AGPAT3: variants seen among roughly 807,000 people sequenced by gnomAD.
AGPAT3 encodes 1-acyl-sn-glycerol-3-phosphate acyltransferase gamma.
In AGPAT3, 5 loss-of-function variants were observed where a neutral mutation model predicts 47.3. The ratio of observed to expected loss-of-function variants is 0.11; its 90% CI spans 0.06 to 0.22. AGPAT3 has a LOEUF of 0.22. AGPAT3 is among the 10% of genes least tolerant of loss of function. AGPAT3 has a pLI of 1.00. For synonymous variants in AGPAT3, 212 were observed against 208.3 expected (o/e 1.02, Z -0.15); for missense variants, 315 against 493.0 (o/e 0.64, Z 3.42).
intron 1 of AGPAT3, among the ~76,000 whole-genome samples, chr21:43,865,646 G>T (rs1050088873): frequency 6.4e-4 from 96 of 151,070 alleles, no homozygotes; most frequent in African/African-American, 2.2e-3. Flanking sequence ...CCTCGGTGGC[G>T]CTGGGCCCAG....
chr21:43,945,592 G>A (rs1456700805), intron 2 of AGPAT3, among the ~76,000 whole-genome samples: 1 of 151,914 alleles, frequency 6.6e-6, no homozygotes, highest in Admixed American at 6.6e-5. Context: ...TCCCCGCAGA[G>A]AGCCCCCTTT....
chr21:43,901,797 T>C (rs908144393), intron 1 of AGPAT3, among the ~76,000 whole-genome samples: 1 of 151,902 alleles, frequency 6.6e-6, no homozygotes, highest in Admixed American at 6.6e-5. Flanking sequence ...CCCAAATAAA[T>C]CTTCTAGAAA....
At chr21:43,867,849 A>G (rs1429477670) in intron 1 of AGPAT3, 2 of 152,192 alleles carry the variant, frequency 1.3e-5, no homozygotes, top group African/African-American at 4.8e-5. Flanking sequence ...GTTGCTCAGA[A>G]ATTTCATGGG....
At chr21:43,959,491 G>C (rs1440445229) in intron 2 of AGPAT3, 143 bp from the exon 3 acceptor site, 1 of 690,124 alleles carries the variant, frequency 1.4e-6, no homozygotes. Context: ...TGTGTGGCAC[G>C]TGTGTGGGGT....
At chr21:43,927,404 C>G (rs953405171) in intron 2 of AGPAT3, among the ~76,000 whole-genome samples, 2 of 152,156 alleles carry the variant, frequency 1.3e-5, no homozygotes, top group African/African-American at 2.4e-5. Flanking sequence ...CTGTCTCCCC[C>G]AGGCTGTGAG....
chr21:43,922,819 G>T lies in AGPAT3; in HGVS notation c.-49+18800G>T, dbSNP rs1245444328. Among the ~76,000 whole-genome samples, 1 of 152,176 alleles carries T rather than the reference G, an allele frequency of 6.6e-6. No individual in the cohort carries two copies. Among genetic ancestry groups the T allele is most frequent in the Non-Finnish European group, 1.5e-5 (1 of 68,022 alleles). On this transcript the variant is annotated intron_variant, in intron 2 of 9. Transcript: ENST00000291572. This position sits in a 1 kb window ranked among gnomAD's most constrained non-coding sequence, Gnocchi z 4.9. The stretch of plus-strand genomic sequence containing the variant: ...GGCAGGTCACTCCGTCAGCATAGGG[G>T]CTGCCATGAGGATTGGCTGCATTTT...
At chr21:43,980,289 AAAC>A (rs1447834465) in intron 8 of AGPAT3, among the ~76,000 whole-genome samples, 1,556 of 147,912 alleles carry the variant, frequency 0.011, 50 homozygotes, top group African/African-American at 0.038. Flanking sequence ...AAAAAAAAAA[AAAC>A]AAAAAAAAAC....
Position 43,985,912 on chromosome 21 carries a change from G to T in AGPAT3, c.*3520G>T, listed in dbSNP as rs1343837204. 6.6e-6 allele frequency: 1 copy of T among 152,554 alleles called. No individual in the cohort carries two copies. The highest frequency in any genetic ancestry group is 1.5e-5 in the Non-Finnish European group (1 of 68,322). 9.5% of individuals were successfully genotyped at this position (152,554 alleles called of 1,614,324 possible). On this transcript the variant is annotated 3_prime_UTR_variant, in exon 10 of 10. Transcript: ENST00000291572. ...AACGGCCAGCCCGAAAAGCCTGCCT[G>T]CCTTCTTTCTGGAAACAGCACGTCC...
intron 2 of AGPAT3, among the ~76,000 whole-genome samples, chr21:43,926,636 CTTTTTT>C (rs557494803): frequency 0.32 from 27,235 of 85,820 alleles, 4,627 homozygotes; most frequent in South Asian, 0.38. Context: ...CTACGCTGGC[CTTTTTT>C]TTTTTTTTTT....
chr21:43,927,995 C>T (rs1384219390), intron 2 of AGPAT3, among the ~76,000 whole-genome samples: 3 of 152,170 alleles, frequency 2.0e-5, no homozygotes, highest in African/African-American at 7.2e-5. Flanking sequence ...GAGAACACAC[C>T]CTCCCTCTCC....
At chr21:43,902,853 A>G (rs901688656) in intron 1 of AGPAT3, among the ~76,000 whole-genome samples, 1 of 152,212 alleles carries the variant, frequency 6.6e-6, no homozygotes, top group Non-Finnish European at 1.5e-5. Flanking sequence ...TTAAAAAATT[A>G]TCTGGGCATG....
intron 1 of AGPAT3, among the ~76,000 whole-genome samples, chr21:43,890,715 G>GT (rs34632493): frequency 0.84 from 121,007 of 143,808 alleles, 52,151 homozygotes; most frequent in East Asian, 0.98. Flanking sequence ...GCCCAGCCAG[G>GT]TTTTTTTTTT....
chr21:43,934,035 G>A lies in AGPAT3; in HGVS notation c.-48-25599G>A, dbSNP rs149962182. 4.6e-5 allele frequency among the ~76,000 whole-genome samples: 7 copies of A among 152,234 alleles called. No homozygotes were observed. The highest frequency in any genetic ancestry group is 7.3e-5 in the Non-Finnish European group (5 of 68,032). On this transcript the variant is annotated intron_variant, in intron 2 of 9. Transcript: ENST00000291572. The surrounding 1 kb of genome is among the most constrained non-coding windows in gnomAD (Gnocchi z 4.7). The stretch of plus-strand genomic sequence containing the variant: ...CAGTCATGGCCAGCTGCCGAATGCC[G>A]TACCAGGGCAGGGGCAGTGGAGCAG...
chr21:43,947,826 G>T (rs565254706), intron 2 of AGPAT3, among the ~76,000 whole-genome samples: 11 of 151,696 alleles, frequency 7.3e-5, no homozygotes, highest in Non-Finnish European at 1.6e-4. Flanking sequence ...TGTATTTTTA[G>T]TAGAGACGGG....
chr21:43,980,280 A>C (rs1447104606), intron 8 of AGPAT3, among the ~76,000 whole-genome samples: 7 of 148,506 alleles, frequency 4.7e-5, no homozygotes, highest in South Asian at 2.1e-4. Flanking sequence ...CATCTCAAAA[A>C]AAAAAAAAAA....
intron 2 of AGPAT3, among the ~76,000 whole-genome samples, chr21:43,945,558 C>T (rs913099855): frequency 1.6e-4 from 24 of 152,150 alleles, no homozygotes; most frequent in African/African-American, 5.3e-4. Flanking sequence ...TGGTTCAGGA[C>T]AGGTCCAGCC....
chr21:43,882,165 T>C (rs1569043645), intron 1 of AGPAT3, among the ~76,000 whole-genome samples: 1 of 152,238 alleles, frequency 6.6e-6, no homozygotes, highest in Non-Finnish European at 1.5e-5. Flanking sequence ...GAGTGGTCAG[T>C]CTCAGCCTGT....
chr21:43,908,600 A>ATT lies in AGPAT3; in HGVS notation c.-49+4581_-49+4582insTT. Reference sequence around the variant, plus strand: ...GTGGAGCCGTGGGTGCGGCACTAGAAGGATGAGAAAGGACCTATGGCCTCC... The same window carrying ATT: ...GTGGAGCCGTGGGTGCGGCACTAGAATTGGATGAGAAAGGACCTATGGCCTCC... On this transcript the variant is annotated intron_variant, in intron 2 of 9. Coordinates refer to ENST00000291572, the MANE Select transcript of AGPAT3 (RefSeq NM_020132.5). The surrounding 1 kb of genome is among the most constrained non-coding windows in gnomAD (Gnocchi z 4.9). Among the ~76,000 whole-genome samples, 1 of 152,186 alleles carries ATT rather than the reference A, an allele frequency of 6.6e-6. No individual in the cohort carries two copies. The highest frequency in any genetic ancestry group is 1.5e-5 in the Non-Finnish European group (1 of 68,032).
chr21:43,931,449 G>A (rs768591379), intron 2 of AGPAT3, among the ~76,000 whole-genome samples: 1 of 152,142 alleles, frequency 6.6e-6, no homozygotes, highest in African/African-American at 2.4e-5. Context: ...TAATATTTTT[G>A]AATAAATCAT....
Sources: allele counts gnomAD v4.1 joint callset (sites outside exome capture counted in the v4.1 genomes callset), GRCh38; gene constraint gnomAD v4.1.1; non-coding constraint Gnocchi (gnomAD v3.1); transcripts MANE v1.5; gene names NCBI Gene and HGNC (gene_info 2026-07-23, HGNC 2026-07-21).